The following ATP8A1 variants were observed in gnomAD, a reference collection of about 807,000 sequenced individuals.
ATP8A1 encodes phospholipid-transporting ATPase IA.
A neutral mutation model predicts 177.7 loss-of-function variants in ATP8A1; 90 were observed. That is an observed-to-expected ratio of 0.51 (90% CI 0.43 to 0.60). The LOEUF (loss-of-function observed/expected upper bound fraction) is 0.60. Among genes scored for constraint, ATP8A1 ranks in the 20% least tolerant of loss-of-function variants. ATP8A1 has a pLI of 0.00. For missense variants in ATP8A1, 1,072 were observed against 1,392.8 expected, an observed-to-expected ratio of 0.77 and a Z score of 3.67; for synonymous variants, 493 against 485.9, an observed-to-expected ratio of 1.01 and a Z score of -0.19.
rs55946444 is a variant in ATP8A1, at chr4:42,448,828, G to GTTTTTTTTTTTTTTTTTTT, written c.2897-2203_2897-2185dup. Among the ~76,000 whole-genome samples, 2 of 84,206 alleles carry GTTTTTTTTTTTTTTTTTTT rather than the reference G, an allele frequency of 2.4e-5. 1 individual carries two copies. 55.2% of individuals were successfully genotyped at this position (84,206 alleles called of 152,430 possible). A position where few individuals can be genotyped will look rare whatever the true frequency, so the allele number is the denominator to read the frequency against. On this transcript the variant is annotated intron_variant, in intron 30 of 36. Transcript: ENST00000381668. The stretch of plus-strand genomic sequence containing the variant: ...TCCATCAGTCTACTTTGTACTTTGC[G>GTTTTTTTTTTTTTTTTTTT]TTTTTTTTTTTTTTTTTTTTTTTTT...
intron 27 of ATP8A1, among the ~76,000 whole-genome samples, chr4:42,460,786 T>G (rs1350255742): frequency 1.3e-5 from 2 of 152,142 alleles, no homozygotes; most frequent in Non-Finnish European, 2.9e-5. Flanking sequence ...CTCAGCAGAT[T>G]TATGAGACCA....
rs201994442 is a variant in ATP8A1 at position 42,422,943 on chromosome 4, T to A, written c.3213-44A>T. The A allele has an allele frequency of 2.0e-5, 30 of 1,497,432 alleles. No individual in the cohort carries two copies. In the African/African-American group the frequency reaches 3.2e-4, roughly 16 times the overall value. The allele number at this position is 1,497,432 out of a possible 1,614,324, so 92.8% of individuals were successfully genotyped here. ...AGGGATTTGCATGGAAATACTTCTG[T>A]GAAGATTTTACAAAACTAGATGTCT... On this transcript the variant is annotated intron_variant, in intron 34 of 36. Transcript: ENST00000381668.
intron 31 of ATP8A1, among the ~76,000 whole-genome samples, chr4:42,446,061 CAA>C (rs1717182958): frequency 1.4e-5 from 1 of 71,920 alleles, no homozygotes; most frequent in African/African-American, 5.0e-5. Context: ...GCCTGGGCGA[CAA>C]GAGTGAAACG....
chr4:42,532,740 AT>A (rs1331319056), intron 20 of ATP8A1, among the ~76,000 whole-genome samples: 3 of 152,210 alleles, frequency 2.0e-5, no homozygotes, highest in Non-Finnish European at 4.4e-5. Context: ...AAGCCATCAT[AT>A]CCCCTGTGAC....
chr4:42,501,610 A>G (rs1224286922), intron 24 of ATP8A1, among the ~76,000 whole-genome samples: 1 of 152,264 alleles, frequency 6.6e-6, no homozygotes, highest in African/African-American at 2.4e-5. Context: ...TGATCAGTAC[A>G]ATTTGAACAC....
At chr4:42,502,914 A>C (rs921978521) in intron 24 of ATP8A1, among the ~76,000 whole-genome samples, 5 of 152,216 alleles carry the variant, frequency 3.3e-5, no homozygotes, top group Non-Finnish European at 5.9e-5. Context: ...CTGTATTCCT[A>C]ACAAATCTTT....
chr4:42,519,082 T>C (rs1246416800), intron 22 of ATP8A1, among the ~76,000 whole-genome samples: 1 of 152,100 alleles, frequency 6.6e-6, no homozygotes, highest in Admixed American at 6.6e-5. Flanking sequence ...CTGTGTTATT[T>C]ATATATTTAT....
At chr4:42,615,842 T>C (rs1032400944) in intron 5 of ATP8A1, among the ~76,000 whole-genome samples, 191 bp downstream of exon 5, 3 of 152,228 alleles carry the variant, frequency 2.0e-5, no homozygotes, top group African/African-American at 4.8e-5. Context: ...TCAAAAGTAT[T>C]ATCACTATAA....
intron 11 of ATP8A1, among the ~76,000 whole-genome samples, chr4:42,579,483 C>G (rs1248201067): frequency 6.7e-6 from 1 of 149,554 alleles, no homozygotes; most frequent in African/African-American, 2.4e-5. Context: ...CATGGTCAAT[C>G]TACTTTCTTT....
chr4:42,598,998 A>G (rs561607480), intron 6 of ATP8A1, among the ~76,000 whole-genome samples: 1 of 152,276 alleles, frequency 6.6e-6, no homozygotes, highest in African/African-American at 2.4e-5. Flanking sequence ...GATGACTGAA[A>G]ATGCTATTAT....
chr4:42,481,045 GA>G (rs75216655), intron 25 of ATP8A1, among the ~76,000 whole-genome samples: 239 of 152,292 alleles, frequency 1.6e-3, no homozygotes, highest in East Asian at 0.015. Context: ...AAAATTCTTT[GA>G]AAGGCTGGGT....
chr4:42,411,577 T>C lies in ATP8A1; in HGVS notation c.*1339A>G, dbSNP rs1447940113. On this transcript the variant is annotated 3_prime_UTR_variant, in exon 37 of 37. Coordinates refer to ENST00000381668, the MANE Select transcript of ATP8A1 (RefSeq NM_006095.2). ...GTGGTTTTTAAACAGCCCCTTCATT[T>C]ACTGTTGGTAGCAAAATAGCCATTT... The C allele has an allele frequency of 6.6e-6, 1 of 152,232 alleles. No individual in the cohort carries two copies. Among genetic ancestry groups the C allele is most frequent in the Non-Finnish European group, 1.5e-5 (1 of 68,040 alleles). 9.4% of individuals were successfully genotyped at this position (152,232 alleles called of 1,614,324 possible). A position where few individuals can be genotyped will look rare whatever the true frequency, so the allele number is the denominator to read the frequency against.
Position 42,481,570 on chromosome 4 carries a change from T to C in ATP8A1, c.2324+3926A>G, listed in dbSNP as rs79941489. 3.2e-3 allele frequency among the ~76,000 whole-genome samples: 480 copies of C among 152,318 alleles called. 6 individuals are homozygous for C. Among genetic ancestry groups the C allele is most frequent in the African/African-American group, 0.011 (456 of 41,562 alleles). ...ATACAGACTGTAGGACCAGGGGGCATAAAGCACTGGTCCCTGAGACTAAGA... is the reference window on the plus strand; with the variant it reads ...ATACAGACTGTAGGACCAGGGGGCACAAAGCACTGGTCCCTGAGACTAAGA... On this transcript the variant is annotated intron_variant, in intron 25 of 36. Transcript: ENST00000381668.
At chr4:42,656,794 G>A (rs1239246196) in intron 1 of ATP8A1, 31 bp downstream of exon 1, 1 of 1,535,210 alleles carries the variant, frequency 6.5e-7, no homozygotes, top group South Asian at 1.2e-5. Flanking sequence ...TCCCGACCCC[G>A]GGCTAGCCCC....
At chr4:42,558,893 G>T (rs74663898) in intron 15 of ATP8A1, among the ~76,000 whole-genome samples, 3,123 of 152,296 alleles carry the variant, frequency 0.021, 107 homozygotes, top group African/African-American at 0.071. Flanking sequence ...TATGGCAACA[G>T]GCCGGGTGCA....
In ATP8A1 at chr4:42,649,130, G is replaced by A. The variant is rs114039608; in HGVS notation, c.49+7695C>T. 6.1e-3 allele frequency among the ~76,000 whole-genome samples: 932 copies of A among 152,256 alleles called. 8 individuals carry two copies. Among genetic ancestry groups the A allele is most frequent in the African/African-American group, 0.021 (876 of 41,546 alleles). ...ATTCAAGAGTTTAAAAAACTGAAAT[G>A]ACCTAAATGTCCACCCACAGGGTTC... On this transcript the variant is annotated intron_variant, in intron 1 of 36. Transcript: ENST00000381668.
At chr4:42,533,443 C>T (rs1050100108) in intron 20 of ATP8A1, among the ~76,000 whole-genome samples, 18 of 152,074 alleles carry the variant, frequency 1.2e-4, no homozygotes, top group Non-Finnish European at 2.4e-4. Context: ...CCCCTGGGAA[C>T]ATAACTCCAT....
intron 11 of ATP8A1, among the ~76,000 whole-genome samples, chr4:42,579,216 A>C (rs955101405): frequency 6.6e-6 from 1 of 151,618 alleles, no homozygotes; most frequent in Admixed American, 6.6e-5. Context: ...ATTTACTAGC[A>C]CCTTCTCTAA....
intron 25 of ATP8A1, among the ~76,000 whole-genome samples, chr4:42,470,678 G>A (rs1720301704): frequency 6.6e-6 from 1 of 152,054 alleles, no homozygotes; most frequent in African/African-American, 2.4e-5. Flanking sequence ...GCCTTTAGAA[G>A]GTAAATCTAG....
Sources: allele counts gnomAD v4.1 joint callset (sites outside exome capture counted in the v4.1 genomes callset), GRCh38; gene constraint gnomAD v4.1.1; transcripts MANE v1.5; gene names NCBI Gene and HGNC (gene_info 2026-07-23, HGNC 2026-07-21).